The following IPO8 variants were observed in gnomAD, a reference collection of about 807,000 sequenced individuals.
The protein encoded by IPO8 is importin 8, also known as importin-8.
IPO8 carries 65 observed loss-of-function variants against 141.2 expected under a neutral mutation model. The observed-to-expected ratio is 0.46, with a 90% CI of 0.38 to 0.57. IPO8 has a LOEUF of 0.57. Ranked by LOEUF, IPO8 falls within the 20% of genes least tolerant of loss-of-function variation. IPO8 has a pLI of 0.00. For missense variants in IPO8, 980 were observed against 1,246.8 expected (o/e 0.79, Z 3.22); for synonymous variants, 411 against 420.3 (o/e 0.98, Z 0.27).
chr12:30,678,475 C>G (rs73077884), intron 5 of IPO8, among the ~76,000 whole-genome samples: 8,975 of 152,234 alleles, frequency 0.059, 351 homozygotes, highest in Middle Eastern at 0.12. Flanking sequence ...AGCCAGGGAG[C>G]AACACACAGC....
chr12:30,692,466 TACTC>T (rs72393697), intron 1 of IPO8, among the ~76,000 whole-genome samples: 3,590 of 152,330 alleles, frequency 0.024, 69 homozygotes, highest in Non-Finnish European at 0.037. Context: ...CAGAAATAGT[TACTC>T]AATTTCTTTG....
intron 21 of IPO8, among the ~76,000 whole-genome samples, chr12:30,637,417 G>T (rs1371017696): frequency 6.6e-6 from 1 of 152,108 alleles, no homozygotes; most frequent in African/African-American, 2.4e-5. Context: ...GGTGAATCTT[G>T]CTGTAATATC....
chr12:30,632,071 G>C lies in IPO8; in HGVS notation c.2900-60C>G, dbSNP rs199728398. On this transcript the variant is annotated intron_variant, in intron 23 of 24. Coordinates refer to ENST00000256079, the MANE Select transcript of IPO8 (RefSeq NM_006390.4). ...CAGCGACTATTAATTTACAGAACAA[G>C]TAGTAACATGATCAAATTACAAAGA... 5.8e-4 allele frequency: 627 copies of C among 1,074,576 alleles called. 2 individuals carry two copies. The highest frequency in any genetic ancestry group is 1.6e-4 in the Admixed American group (9 of 54,658). The allele number at this position is 1,074,576 out of a possible 1,614,324, so 66.6% of individuals were successfully genotyped here.
chr12:30,685,559 A>G (rs1488030928), intron 2 of IPO8, among the ~76,000 whole-genome samples: 2 of 151,880 alleles, frequency 1.3e-5, no homozygotes, highest in Non-Finnish European at 2.9e-5. Context: ...TTTGCAAAGC[A>G]GCATAACTTT....
intron 5 of IPO8, chr12:30,677,164 C>T: frequency 8.8e-7 from 1 of 1,131,000 alleles, no homozygotes; most frequent in Non-Finnish European, 1.2e-6. Context: ...GAAGCTTACA[C>T]TCTAACTGGA....
At chr12:30,631,454 C>G (rs1053764690) in intron 24 of IPO8, among the ~76,000 whole-genome samples, 3 of 152,106 alleles carry the variant, frequency 2.0e-5, no homozygotes, top group African/African-American at 7.2e-5. Context: ...AACTGAAAAT[C>G]AACAACAAGA....
chr12:30,641,493 C>CTTTTTTTTTTTTTTTTTTTTTTTTTTTT (rs58656525), intron 20 of IPO8, among the ~76,000 whole-genome samples: 1 of 135,050 alleles, frequency 7.4e-6, no homozygotes, highest in Non-Finnish European at 1.6e-5. Flanking sequence ...TAAGCTATTT[C>CTTTTTTTTTTTTTTTTTTTTTTTTTTTT]TTTTTTTTTT....
chr12:30,663,537 C>T lies in IPO8; in HGVS notation c.1546G>A (p.Val516Ile). Residue 516 changes from valine to isoleucine, a missense_variant, in exon 14 of 25, where the codon GTT becomes ATT. Physicochemically the swap from Val to Ile is conservative, Grantham distance 29. Around this residue, in one of 3 missense-constraint regions of IPO8, gnomAD observed 924 missense variants for 1,153.9 expected, o/e 0.80. Coordinates refer to ENST00000256079, the MANE Select transcript of IPO8 (RefSeq NM_006390.4). The part of the protein sequence containing the change: ...LIEDKEMPVK[V>I]EAALALQSLI... ...GACTGAAGAGCAAGGGCAGCTTCAA[C>T]TTTGACAGGCATCTCTTTATCTTCA... 1.9e-6 allele frequency: 3 copies of T among 1,613,802 alleles called. No individual in the cohort carries two copies. The highest frequency in any genetic ancestry group is 1.1e-5 in the South Asian group (1 of 91,004).
chr12:30,632,855 C>A (rs2052451813), intron 23 of IPO8, among the ~76,000 whole-genome samples: 1 of 152,206 alleles, frequency 6.6e-6, no homozygotes, highest in African/African-American at 2.4e-5. Context: ...GATGGACCAC[C>A]TCAGTCCAGA....
chr12:30,651,146 CTTGT>C (rs1178021915), intron 19 of IPO8, among the ~76,000 whole-genome samples: 2 of 152,076 alleles, frequency 1.3e-5, no homozygotes. Context: ...AACTGTTTTA[CTTGT>C]TTCTTTCCCT....
In IPO8 at chr12:30,634,260, T is replaced by G. The variant is rs187913163; in HGVS notation, c.2722A>C (p.Thr908Pro). Reference sequence around the variant, plus strand: ...TGCATTGCTTGAGCAGTTACATTTGTCTCCTCTTCATCACTTGAAATCTCC... The same window carrying G: ...TGCATTGCTTGAGCAGTTACATTTGGCTCCTCTTCATCACTTGAAATCTCC... ...NEEISSDEEE[T>P]NVTAQAMQSN... Residue 908 changes from threonine to proline, a missense_variant, in exon 23 of 25, where the codon ACA (threonine) becomes CCA (proline). Thr to Pro is a conservative substitution (Grantham distance 38). Around this residue, in one of 3 missense-constraint regions of IPO8, gnomAD observed 924 missense variants for 1,153.9 expected, o/e 0.80. Coordinates refer to ENST00000256079, the MANE Select transcript of IPO8 (RefSeq NM_006390.4). The G allele has an allele frequency of 6.2e-7, 1 of 1,613,758 alleles. No homozygotes were observed. Among genetic ancestry groups the G allele is most frequent in the African/African-American group, 1.3e-5 (1 of 75,030 alleles).
chr12:30,652,995 A>G lies in IPO8; in HGVS notation c.2046T>C (p.Phe682=), dbSNP rs1305838680. 6.2e-7 allele frequency: 1 copy of G among 1,611,422 alleles called. No homozygotes were observed. The highest frequency in any genetic ancestry group is 2.2e-5 in the East Asian group (1 of 44,824). ...WQLLGILYEV[F]QQDCFEYFTD... ...TAAAGTATTCAAAGCAATCCTGCTG[A>G]AACACTTCATATAGTATACCTAGAA... is the stretch of plus-strand genomic sequence containing the variant. The change falls in exon 18 of 25, where the codon TTT becomes TTC. Residue 682 remains phenylalanine (F), a synonymous_variant. Coordinates refer to ENST00000256079, the MANE Select transcript of IPO8 (RefSeq NM_006390.4).
At chr12:30,655,083 T>C (rs923136942) in intron 17 of IPO8, among the ~76,000 whole-genome samples, 3 of 152,120 alleles carry the variant, frequency 2.0e-5, no homozygotes, top group Non-Finnish European at 2.9e-5. Context: ...TTAAGTGAAA[T>C]AAGCCAAAAC....
chr12:30,662,894 C>T (rs1243879239), intron 14 of IPO8, among the ~76,000 whole-genome samples: 1 of 152,170 alleles, frequency 6.6e-6, no homozygotes, highest in Non-Finnish European at 1.5e-5. Flanking sequence ...CCCAGGCCAT[C>T]TCTACCACCC....
rs138670798 is a variant in IPO8 at position 30,664,888 on chromosome 12, T to G, written c.1428+332A>C. Among the ~76,000 whole-genome samples, 8 of 152,234 alleles carry G rather than the reference T, an allele frequency of 5.3e-5. No homozygotes were observed. In the East Asian group the frequency reaches 1.5e-3, roughly 29 times the overall value. The stretch of plus-strand genomic sequence containing the variant: ...CCTAGTAGCTGGGATAACAGGCGCC[T>G]GCCATGAAGCCCAGCTAATTTTTTG... On this transcript the variant is annotated intron_variant, in intron 13 of 24. Coordinates refer to ENST00000256079, the MANE Select transcript of IPO8 (RefSeq NM_006390.4).
chr12:30,678,976 A>T (rs1653154247), intron 5 of IPO8, among the ~76,000 whole-genome samples: 1 of 152,126 alleles, frequency 6.6e-6, no homozygotes, highest in Admixed American at 6.5e-5. Flanking sequence ...AATAGCTGGA[A>T]TTAGAGGCAC....
chr12:30,639,847 G>T lies in IPO8; in HGVS notation c.2269-112C>A, dbSNP rs963261025. 102 of 698,750 alleles carry T rather than the reference G, an allele frequency of 1.5e-4. No individual in the cohort carries two copies. In the African/African-American group the frequency reaches 1.7e-3, roughly 12 times the overall value. 43.3% of individuals were successfully genotyped at this position (698,750 alleles called of 1,614,324 possible). A position where few individuals can be genotyped will look rare whatever the true frequency, so the allele number is the denominator to read the frequency against. On this transcript the variant is annotated intron_variant, in intron 20 of 24. Coordinates refer to ENST00000256079, the MANE Select transcript of IPO8 (RefSeq NM_006390.4). The stretch of plus-strand genomic sequence containing the variant: ...AATAAGACAGTCTTAATGGCAATGA[G>T]ACTTTTGACTAAATCATTTTAGAGG...
intron 17 of IPO8, among the ~76,000 whole-genome samples, chr12:30,654,775 G>C (rs1358865080): frequency 6.6e-6 from 1 of 152,072 alleles, no homozygotes; most frequent in Non-Finnish European, 1.5e-5. Flanking sequence ...AACAGCCACT[G>C]TGGAAAGCAG....
intron 8 of IPO8, among the ~76,000 whole-genome samples, chr12:30,671,592 T>C (rs2053050825): frequency 7.0e-6 from 1 of 142,964 alleles, no homozygotes; most frequent in African/African-American, 2.6e-5. Flanking sequence ...GAGAATGGCA[T>C]GAACCCCGGA....
Sources: gnomAD v4.1 joint callset for allele counts (sites outside exome capture counted in the v4.1 genomes callset) on GRCh38, gnomAD v4.1.1 for gene constraint, gnomAD v4.1.1 regional missense constraint, MANE v1.5 for transcripts, NCBI Gene and HGNC (gene_info 2026-07-23, HGNC 2026-07-21) for gene names.